ARHGEF28: variants seen among roughly 807,000 people sequenced by gnomAD.
ARHGEF28 encodes the protein Rho guanine nucleotide exchange factor 28, also known as 190 kDa guanine nucleotide exchange factor.
A neutral mutation model predicts 206.6 loss-of-function variants in ARHGEF28; 152 were observed. The observed-to-expected ratio is 0.74, with a 90% CI of 0.64 to 0.84. The LOEUF is 0.84. ARHGEF28 is among the 40% of genes least tolerant of loss of function. The pLI is 0.00. For missense variants in ARHGEF28, 2,028 were observed against 2,073.2 expected, an observed-to-expected ratio of 0.98 and a Z score of 0.42; for synonymous variants, 763 against 776.4, an observed-to-expected ratio of 0.98 and a Z score of 0.29.
Position 73,909,695 on chromosome 5 carries a change from A to G in ARHGEF28, c.4445A>G (p.Gln1482Arg). Residue 1482 changes from glutamine (Q) to arginine (R), a missense_variant, in exon 34 of 36, where the codon CAG becomes CGG. By Grantham distance (43) the Gln-to-Arg change is conservative (BLOSUM62 1). Transcript: ENST00000513042. ...LQERERECQS[Q>R]EELLLRSRGE... ...GAGCGGGAGCGGGAGTGCCAGTCGC[A>G]GGAGGAGCTGCTGCTGCGGAGCCGG... 6.5e-7 allele frequency: 1 copy of G among 1,534,536 alleles called. No individual in the cohort carries two copies. Among genetic ancestry groups the G allele is most frequent in the Non-Finnish European group, 8.8e-7 (1 of 1,139,208 alleles).
At chr5:73,866,088 C>A (rs934476189) in intron 18 of ARHGEF28, 75 bp downstream of exon 18, 15 of 1,189,452 alleles carry the variant, frequency 1.3e-5, no homozygotes, top group Non-Finnish European at 1.7e-5. Flanking sequence ...ATAAAAATAT[C>A]TCCTTTTGTT....
intron 7 of ARHGEF28, among the ~76,000 whole-genome samples, chr5:73,784,669 A>G (rs915377735): frequency 1.3e-5 from 2 of 152,216 alleles, no homozygotes; most frequent in African/African-American, 2.4e-5. Flanking sequence ...TTGGGGGATA[A>G]GTTCCAAGAT....
At position 73,868,313 on chromosome 5, in the gene ARHGEF28, A is replaced by AT. The variant is rs34777247; in HGVS notation, c.2425+96dup. 3.1e-3 allele frequency: 4,145 copies of AT among 1,317,346 alleles called. 1 individual carries two copies. Among genetic ancestry groups the AT allele is most frequent in the South Asian group, 6.1e-3 (346 of 56,974 alleles). 81.6% of individuals were successfully genotyped at this position (1,317,346 alleles called of 1,614,324 possible). A position where few individuals can be genotyped will look rare whatever the true frequency, so the allele number is the denominator to read the frequency against. On this transcript the variant is annotated intron_variant, in intron 20 of 35. Transcript: ENST00000513042. Reference sequence around the variant, plus strand: ...TGTCTGAAGGAAATAAGATTGAAGCATTTTTTTTTTCTTTTTCAAAGAAGT... The same window carrying AT: ...TGTCTGAAGGAAATAAGATTGAAGCATTTTTTTTTTTCTTTTTCAAAGAAGT...
chr5:73,834,826 C>G (rs1757522805), intron 10 of ARHGEF28, among the ~76,000 whole-genome samples: 1 of 152,036 alleles, frequency 6.6e-6, no homozygotes, highest in South Asian at 2.1e-4. Context: ...GAAGGCTATA[C>G]TAGCAGGTTT....
At chr5:73,723,050 T>A (rs926090574) in intron 2 of ARHGEF28, among the ~76,000 whole-genome samples, 1 of 152,272 alleles carries the variant, frequency 6.6e-6, no homozygotes, top group East Asian at 1.9e-4. Context: ...AATAAAGTTT[T>A]ACATTATTTT....
At chr5:73,679,356 C>T (rs1359759568) in intron 1 of ARHGEF28, among the ~76,000 whole-genome samples, 6 of 152,156 alleles carry the variant, frequency 3.9e-5, no homozygotes, top group Non-Finnish European at 8.8e-5. Context: ...CACCTGAGGT[C>T]AGGAGTTCGA....
intron 34 of ARHGEF28, 75 bp from the exon 35 acceptor site, chr5:73,911,200 C>T: frequency 1.5e-6 from 2 of 1,351,528 alleles, no homozygotes; most frequent in Non-Finnish European, 2.0e-6. Context: ...CTAAGATTCT[C>T]TCAGGAATAA....
chr5:73,726,808 G>A (rs879574517), intron 2 of ARHGEF28, among the ~76,000 whole-genome samples: 8 of 151,942 alleles, frequency 5.3e-5, no homozygotes, highest in African/African-American at 1.7e-4. Context: ...TTTTTTTCCC[G>A]CTGCCCAACT....
intron 2 of ARHGEF28, among the ~76,000 whole-genome samples, chr5:73,736,182 A>G (rs778211659): frequency 2.0e-5 from 3 of 152,238 alleles, no homozygotes; most frequent in South Asian, 2.1e-4. Context: ...GAAGTACTCA[A>G]TGGATACTCA....
rs564445214 is a variant in ARHGEF28 at position 73,928,972 on chromosome 5, G to C, written c.4949-11872G>C. ...TTATTTTGAGACGGAGTCTCGCTCT[G>C]TCACCCATGCTGGAGTGTAGCGGTG... On this transcript the variant is annotated intron_variant, in intron 35 of 35. Transcript: ENST00000513042. Among the ~76,000 whole-genome samples the C allele has an allele frequency of 2.0e-5, 3 of 152,116 alleles. No individual in the cohort carries two copies. The South Asian group carries it at 6.2e-4, about 32-fold the overall frequency.
At chr5:73,832,534 A>AT in intron 10 of ARHGEF28, 75 bp downstream of exon 10, 1 of 1,543,010 alleles carries the variant, frequency 6.5e-7, no homozygotes, top group Non-Finnish European at 8.8e-7. Context: ...TAGATTCAGC[A>AT]TTGTTGTGTT....
At chr5:73,815,161 A>G (rs907689966) in intron 9 of ARHGEF28, among the ~76,000 whole-genome samples, 2 of 151,494 alleles carry the variant, frequency 1.3e-5, no homozygotes, top group African/African-American at 4.9e-5. Context: ...GCCATGATAT[A>G]TGTAACTTAC....
intron 4 of ARHGEF28, among the ~76,000 whole-genome samples, chr5:73,770,430 G>T (rs16870832): frequency 2.6e-5 from 4 of 152,204 alleles, no homozygotes; most frequent in Non-Finnish European, 4.4e-5. Context: ...GTTATAGGTC[G>T]TACCTTTTAA....
chr5:73,651,352 T>G (rs1482041148), intron 1 of ARHGEF28, among the ~76,000 whole-genome samples: 1 of 152,254 alleles, frequency 6.6e-6, no homozygotes, highest in Admixed American at 6.5e-5. Context: ...ATACTTACAC[T>G]ATGTTGAAGC....
intron 35 of ARHGEF28, among the ~76,000 whole-genome samples, chr5:73,923,344 A>C (rs902943329): frequency 6.6e-6 from 1 of 152,222 alleles, no homozygotes; most frequent in Admixed American, 6.5e-5. Context: ...TGAGCTGGCT[A>C]TGAGTCCGTT....
At chr5:73,799,083 C>G (rs1474474849) in intron 9 of ARHGEF28, among the ~76,000 whole-genome samples, 1 of 152,150 alleles carries the variant, frequency 6.6e-6, no homozygotes, top group Non-Finnish European at 1.5e-5. Context: ...GAGCGAGACT[C>G]CATCTCAAAA....
intron 4 of ARHGEF28, among the ~76,000 whole-genome samples, chr5:73,767,207 G>A (rs1752944278): frequency 6.6e-6 from 1 of 152,158 alleles, no homozygotes. Context: ...TCTCAGGTAT[G>A]TCTTTATCAG....
At chr5:73,664,145 G>A (rs1404292711) in intron 1 of ARHGEF28, among the ~76,000 whole-genome samples, 1 of 152,130 alleles carries the variant, frequency 6.6e-6, no homozygotes, top group Non-Finnish European at 1.5e-5. Flanking sequence ...CCTCCTTACT[G>A]CTCCACCTGC....
At chr5:73,638,779 A>G (rs1743879523) in intron 1 of ARHGEF28, among the ~76,000 whole-genome samples, 1 of 152,214 alleles carries the variant, frequency 6.6e-6, no homozygotes, top group Non-Finnish European at 1.5e-5. Flanking sequence ...GAAAATACTA[A>G]TCGAATGAAT....
Sources: gnomAD v4.1 joint callset for allele counts (sites outside exome capture counted in the v4.1 genomes callset) on GRCh38, gnomAD v4.1.1 for gene constraint, MANE v1.5 for transcripts, NCBI Gene and HGNC (gene_info 2026-07-23, HGNC 2026-07-21) for gene names.